The following MTUS1 variants were observed in gnomAD, a reference collection of about 807,000 sequenced individuals.
MTUS1 encodes microtubule associated scaffold protein 1.
In MTUS1, 109 loss-of-function variants were observed where a neutral mutation model predicts 120.8. The observed-to-expected ratio is 0.90, with a 90% CI of 0.77 to 1.06. The LOEUF (loss-of-function observed/expected upper bound fraction) is 1.06, where lower values mean the gene tolerates loss of function less well. MTUS1 is among the 50% of genes least tolerant of loss of function. The probability of loss-of-function intolerance (pLI) is 0.00; values close to 1 mark genes in which losing one functional copy is unlikely to be tolerated. For missense variants in MTUS1, 2,210 were observed against 1,486.3 expected (o/e 1.49, Z -8.01); for synonymous variants, 737 against 550.5 (o/e 1.34, Z -4.74).
intron 6 of MTUS1, among the ~76,000 whole-genome samples, chr8:17,703,571 G>A (rs557024017): frequency 6.6e-6 from 1 of 150,848 alleles, no homozygotes; most frequent in Non-Finnish European, 1.5e-5. Context: ...AGAGCTTGCA[G>A]TGAGCCGAGA....
intron 2 of MTUS1, among the ~76,000 whole-genome samples, chr8:17,752,634 T>G (rs1033178689): frequency 4.0e-5 from 6 of 149,876 alleles, no homozygotes; most frequent in Non-Finnish European, 8.9e-5. Context: ...CCCTCCCTTG[T>G]GGTCCCCATG....
chr8:17,754,859 C>T lies in MTUS1; in HGVS notation c.949G>A (p.Glu317Lys). Reference protein sequence around the residue: ...LQEFFCLSHDESNSEPHSQSS... With the variant: ...LQEFFCLSHDKSNSEPHSQSS... ...TGTGAATGTGGTTCGCTATTGGATT[C>T]ATCATGGGATAAACAAAAGAACTCT... Residue 317 changes from glutamate (E) to lysine (K), a missense_variant, in exon 2 of 15, where the codon GAA becomes AAA. Transcript: ENST00000693296. The T allele has an allele frequency of 6.2e-7, 1 of 1,614,232 alleles. No homozygotes were observed. Among genetic ancestry groups the T allele is most frequent in the Non-Finnish European group, 8.5e-7 (1 of 1,180,054 alleles).
chr8:17,742,281 TGTTGTTGTTG>T (rs764582399), intron 3 of MTUS1, among the ~76,000 whole-genome samples: 3,923 of 116,918 alleles, frequency 0.034, 182 homozygotes, highest in African/African-American at 0.068. Context: ...TTTTTTTTTT[TGTTGTTGTTG>T]TTTTTTTTTT....
At chr8:17,748,174 C>A (rs2047914660) in intron 2 of MTUS1, 1 of 152,194 alleles carries the variant, frequency 6.6e-6, no homozygotes, top group South Asian at 2.1e-4. Flanking sequence ...TGAAGCTAAG[C>A]AGGGTCAGGC....
At chr8:17,697,742 G>T in intron 6 of MTUS1, 1 of 993,978 alleles carries the variant, frequency 1.0e-6, no homozygotes, top group Non-Finnish European at 1.2e-6. Flanking sequence ...GGTCTCAGGA[G>T]CTTTACAGAA....
chr8:17,685,299 G>A (rs1815534131), intron 6 of MTUS1, among the ~76,000 whole-genome samples: 1 of 151,852 alleles, frequency 6.6e-6, no homozygotes, highest in Non-Finnish European at 1.5e-5. Flanking sequence ...GTGCAATGGT[G>A]CCCTGGGTAT....
At chr8:17,683,141 G>A (rs949026506) in intron 7 of MTUS1, among the ~76,000 whole-genome samples, 16 of 152,084 alleles carry the variant, frequency 1.1e-4, no homozygotes, top group Admixed American at 3.9e-4. Context: ...GCGTGGTGGC[G>A]GGTGCCTGCA....
Position 17,645,883 on chromosome 8 carries a change from G to A in MTUS1, c.*43C>T, listed in dbSNP as rs147793224. On this transcript the variant is annotated 3_prime_UTR_variant, in exon 15 of 15. Transcript: ENST00000693296. ...TCCTTGGGGTCAGTCCTGCAGACCT[G>A]CATCAAAATGCTTTCAGAGAGTCTG... is the stretch of plus-strand genomic sequence containing the variant. The A allele has an allele frequency of 1.5e-3, 2,316 of 1,582,786 alleles. 5 individuals are homozygous for A. Among genetic ancestry groups the A allele is most frequent in the Middle Eastern group, 4.5e-3 (20 of 4,402 alleles).
At chr8:17,680,770 T>C (rs1033728100) in intron 7 of MTUS1, among the ~76,000 whole-genome samples, 4 of 152,010 alleles carry the variant, frequency 2.6e-5, no homozygotes, top group Non-Finnish European at 4.4e-5. Flanking sequence ...CTTTAAACAC[T>C]AAGATAGCAG....
intron 1 of MTUS1, among the ~76,000 whole-genome samples, chr8:17,785,612 G>A (rs10503605): frequency 0.028 from 4,304 of 152,292 alleles, 213 homozygotes; most frequent in African/African-American, 0.097. Context: ...TTTAGTTTAC[G>A]TAATATACAT....
chr8:17,657,350 C>T (rs867358330), intron 8 of MTUS1, among the ~76,000 whole-genome samples: 116 of 151,524 alleles, frequency 7.7e-4, no homozygotes, highest in African/African-American at 2.5e-3. Context: ...GGGCGGATCA[C>T]GAGGTCAGGA....
intron 10 of MTUS1, 143 bp downstream of exon 10, chr8:17,654,418 C>G (rs546917332): frequency 6.4e-6 from 4 of 626,800 alleles, no homozygotes; most frequent in African/African-American, 5.5e-5. Flanking sequence ...CAATAAACCA[C>G]GCAAAAAGGA....
intron 7 of MTUS1, among the ~76,000 whole-genome samples, chr8:17,683,250 C>A (rs140703539): frequency 6.6e-6 from 1 of 151,992 alleles, no homozygotes; most frequent in Non-Finnish European, 1.5e-5. Context: ...CCAGCCTGGG[C>A]GACAGAGTGA....
At chr8:17,689,892 CG>C (rs1345000916) in intron 6 of MTUS1, among the ~76,000 whole-genome samples, 1 of 128,278 alleles carries the variant, frequency 7.8e-6, no homozygotes, top group East Asian at 2.3e-4. Context: ...AAGACTTAAA[CG>C]TAAGACCTGA....
intron 4 of MTUS1, chr8:17,722,226 C>T (rs903465048): frequency 9.0e-6 from 9 of 1,001,708 alleles, no homozygotes; most frequent in African/African-American, 1.7e-5. Flanking sequence ...AGTACTGAAA[C>T]GGTGGCCAAG....
intron 3 of MTUS1, among the ~76,000 whole-genome samples, chr8:17,729,984 CAAAAAAAA>C (rs36018422): frequency 1.2e-5 from 1 of 85,876 alleles, no homozygotes; most frequent in African/African-American, 4.3e-5. Flanking sequence ...ATGCTATCAT[CAAAAAAAA>C]AAAAAAAAAA....
chr8:17,709,705 T>TA (rs1820886125), intron 6 of MTUS1, among the ~76,000 whole-genome samples: 1 of 151,982 alleles, frequency 6.6e-6, no homozygotes, highest in Admixed American at 6.6e-5. Flanking sequence ...GCATTATGTC[T>TA]AAAAAAATAT....
intron 8 of MTUS1, chr8:17,674,362 G>A: frequency 1.6e-6 from 1 of 619,356 alleles, no homozygotes; most frequent in Non-Finnish European, 2.0e-6. Flanking sequence ...GGAGGTTGCA[G>A]TGAGTCGAGA....
intron 8 of MTUS1, among the ~76,000 whole-genome samples, chr8:17,667,659 C>T (rs1040873786): frequency 5.3e-5 from 8 of 152,164 alleles, no homozygotes; most frequent in East Asian, 1.9e-4. Flanking sequence ...TGCAAACGAG[C>T]GTTTATTTCA....
Sources: gnomAD v4.1 joint callset for allele counts (sites outside exome capture counted in the v4.1 genomes callset) on GRCh38, gnomAD v4.1.1 for gene constraint, MANE v1.5 for transcripts, NCBI Gene and HGNC (gene_info 2026-07-23, HGNC 2026-07-21) for gene names.